The following DHX32 variants were observed in gnomAD, a reference collection of about 807,000 sequenced individuals.
DHX32 encodes the protein putative pre-mRNA-splicing factor ATP-dependent RNA helicase DHX32.
A neutral mutation model predicts 70.0 loss-of-function variants in DHX32; 51 were observed. The observed-to-expected ratio is 0.73, with a 90% confidence interval of 0.58 to 0.92. The LOEUF (loss-of-function observed/expected upper bound fraction) is 0.92, where lower values mean the gene tolerates loss of function less well. Ranked by LOEUF, DHX32 falls within the 40% of genes least tolerant of loss-of-function variation. DHX32 has a pLI of 0.00. For missense variants in DHX32, 762 were observed against 891.8 expected, an observed-to-expected ratio of 0.85 and a Z score of 1.85; for synonymous variants, 310 against 315.3, an observed-to-expected ratio of 0.98 and a Z score of 0.18.
At chr10:125,885,083 G>A (rs1944335008), upstream of DHX32, among the ~76,000 whole-genome samples, 1 of 151,904 alleles carries the variant, frequency 6.6e-6, no homozygotes, top group Admixed American at 6.6e-5. Flanking sequence ...TATTTAATAG[G>A]AAACTCAGAC....
intron 1 of DHX32, among the ~76,000 whole-genome samples, chr10:125,891,237 T>C (rs537604276): frequency 1.3e-3 from 203 of 152,374 alleles, no homozygotes; most frequent in Non-Finnish European, 2.3e-3. Flanking sequence ...GAGAAAAATT[T>C]TGTGTGAGAT....
rs1366964301 is a variant in DHX32, at chr10:125,836,531, C to G, written c.*156G>C. The G allele has an allele frequency of 7.5e-7, 1 of 1,334,130 alleles. No homozygotes were observed. The highest frequency in any genetic ancestry group is 2.6e-5 in the East Asian group (1 of 38,342). The allele number at this position is 1,334,130 out of a possible 1,614,324, so 82.6% of individuals were successfully genotyped here. A position where few individuals can be genotyped will look rare whatever the true frequency, so the allele number is the denominator to read the frequency against. ...AATTTAAAGAACTCAATAAAAACTTCTATTTTTTATTTTAAAATAATATAC... is the reference window on the plus strand; with the variant it reads ...AATTTAAAGAACTCAATAAAAACTTGTATTTTTTATTTTAAAATAATATAC... On this transcript the variant is annotated 3_prime_UTR_variant, in exon 11 of 11. Transcript: ENST00000284690.
chr10:125,880,767 CA>C lies in DHX32; in HGVS notation c.57del (p.Glu20AsnfsTer37), dbSNP rs1055619896. On this transcript the variant is annotated frameshift_variant, in exon 1 of 11. Coordinates refer to ENST00000284690, the MANE Select transcript of DHX32 (RefSeq NM_018180.3). LOFTEE classifies it high-confidence loss of function. ...TCCCCATCGCTGGAATCCAGGGATTCAGGAAAATAGCGTTTTTCAGAGGAAG... is the reference window on the plus strand; with the variant it reads ...TCCCCATCGCTGGAATCCAGGGATTCGGAAAATAGCGTTTTTCAGAGGAAG... ...PNSSSEKRYF[P>X]ESLDSSDGDE... 6.2e-7 allele frequency: 1 copy of C among 1,614,076 alleles called. No homozygotes were observed. Among genetic ancestry groups the C allele is most frequent in the African/African-American group, 1.3e-5 (1 of 74,936 alleles).
intron 3 of DHX32, among the ~76,000 whole-genome samples, chr10:125,859,045 GTTTTTTTT>G (rs71029270): frequency 3.2e-4 from 45 of 141,758 alleles, no homozygotes; most frequent in African/African-American, 5.4e-4. Context: ...TTGTTTGTTT[GTTTTTTTT>G]TTTTTTTTTT....
In DHX32 at chr10:125,867,175, C is replaced by G; in HGVS notation, c.291G>C (p.Gln97His). ...TGGAAAGACAATATTCAGCACACCA[C>G]TGAGGAACCTGTAGCAGGAAAAAAT... Reference protein sequence around the residue: ...AKCGKSAQVPQWCAEYCLSIH... With the variant: ...AKCGKSAQVPHWCAEYCLSIH... Residue 97 changes from glutamine to histidine, a missense_variant, in exon 2 of 11, where the codon CAG becomes CAC. By Grantham distance (24) the Gln-to-His change is conservative. Transcript: ENST00000284690. 1.2e-6 allele frequency: 2 copies of G among 1,605,570 alleles called. No homozygotes were observed. The highest frequency in any genetic ancestry group is 1.7e-6 in the Non-Finnish European group (2 of 1,174,874).
chr10:125,893,580 G>T (rs1345514300), intron 1 of DHX32, among the ~76,000 whole-genome samples: 2 of 152,218 alleles, frequency 1.3e-5, no homozygotes, highest in African/African-American at 4.8e-5. Context: ...AGGGCGGAGA[G>T]ATAGACATTC....
chr10:125,871,897 T>A (rs1944258045), intron 1 of DHX32, among the ~76,000 whole-genome samples: 1 of 150,438 alleles, frequency 6.6e-6, no homozygotes, highest in Non-Finnish European at 1.5e-5. Flanking sequence ...AGTCTCACTC[T>A]TGTTGCCCAG....
At chr10:125,885,808 T>G (rs962502903), upstream of DHX32, among the ~76,000 whole-genome samples, 3 of 152,216 alleles carry the variant, frequency 2.0e-5, no homozygotes, top group African/African-American at 7.2e-5. Context: ...CTGTGAACAC[T>G]TGGTCTGAGC....
At chr10:125,838,634 G>A (rs558399273) in intron 9 of DHX32, among the ~76,000 whole-genome samples, 1 of 152,244 alleles carries the variant, frequency 6.6e-6, no homozygotes, top group East Asian at 1.9e-4. Flanking sequence ...CAGCTGTGAG[G>A]TTAATGTTTT....
chr10:125,850,839 G>A (rs1296978660), intron 6 of DHX32, among the ~76,000 whole-genome samples: 1 of 152,170 alleles, frequency 6.6e-6, no homozygotes, highest in Non-Finnish European at 1.5e-5. Flanking sequence ...ATGACCTCTG[G>A]TGTAGTCTGG....
At chr10:125,852,905 G>C (rs558546654) in intron 4 of DHX32, among the ~76,000 whole-genome samples, 2 of 152,290 alleles carry the variant, frequency 1.3e-5, no homozygotes, top group Admixed American at 6.5e-5. Flanking sequence ...TGAAATACTA[G>C]CACTGTCACT....
rs769534512 is a variant in DHX32 at position 125,880,826 on chromosome 10, T to G, written c.-2A>C. ...ACACTCCAGCCCTTCTTCTTCCATC[T>G]TGTCTGACAGTGAGCTCACGCAGCT... is the stretch of plus-strand genomic sequence containing the variant. On this transcript the variant is annotated 5_prime_UTR_variant, in exon 1 of 11. Coordinates refer to ENST00000284690, the MANE Select transcript of DHX32 (RefSeq NM_018180.3). 2 of 1,609,270 alleles carry G rather than the reference T, an allele frequency of 1.2e-6. No homozygotes were observed. Among genetic ancestry groups the G allele is most frequent in the Non-Finnish European group, 1.7e-6 (2 of 1,177,960 alleles).
chr10:125,864,929 C>CA lies in DHX32; in HGVS notation c.476+2060dup, dbSNP rs61570718. On this transcript the variant is annotated intron_variant, in intron 2 of 10. Transcript: ENST00000284690. ...TGGGAGACAGAGTGGGACTCTGTCT[C>CA]AAAAAAAAAAAAAAAAAAAAAAAAA... Among the ~76,000 whole-genome samples, 147 of 54,214 alleles carry CA rather than the reference C, an allele frequency of 2.7e-3. 29 individuals carry two copies. The highest frequency in any genetic ancestry group is 0.011 in the East Asian group (13 of 1,160). 35.6% of individuals were successfully genotyped at this position (54,214 alleles called of 152,430 possible).
At chr10:125,865,180 C>T (rs1036699268) in intron 2 of DHX32, among the ~76,000 whole-genome samples, 33 of 152,080 alleles carry the variant, frequency 2.2e-4, no homozygotes, top group African/African-American at 8.0e-4. Flanking sequence ...AACCAACCAA[C>T]CACAAATCTG....
chr10:125,852,317 G>A lies in DHX32; in HGVS notation c.1327C>T (p.His443Tyr), dbSNP rs746822709. The A allele has an allele frequency of 1.1e-5, 18 of 1,614,026 alleles. No homozygotes were observed. The East Asian group carries it at 2.5e-4, about 22-fold the overall frequency. ...MKRIDIAGLGHCDFMNRPAPE... is the reference protein window; with the variant it reads ...MKRIDIAGLGYCDFMNRPAPE... ...CCTGGTCTGTTCATGAAGTCACAGT[G>A]GCCTAGGCCCGCAATGTCTATCCTC... is the stretch of plus-strand genomic sequence containing the variant. The change falls in exon 6 of 11, where the codon CAC becomes TAC. Residue 443 changes from histidine (H) to tyrosine (Y), a missense_variant. Transcript: ENST00000284690.
rs1228844271 is a variant in DHX32, at chr10:125,880,995, C to G, written c.-171G>C. ...TAAATTCCTCAAACCTGCATCTGTT[C>G]TCCGTTGCTGTGTTACCCACTGTGC... On this transcript the variant is annotated 5_prime_UTR_variant, in exon 1 of 11. Coordinates refer to ENST00000284690, the MANE Select transcript of DHX32 (RefSeq NM_018180.3). 2 of 748,148 alleles carry G rather than the reference C, an allele frequency of 2.7e-6. No homozygotes were observed. Among genetic ancestry groups the G allele is most frequent in the Non-Finnish European group, 4.2e-6 (2 of 475,126 alleles). 46.3% of individuals were successfully genotyped at this position (748,148 alleles called of 1,614,324 possible).
At chr10:125,838,080 G>C (rs2134020717) in intron 10 of DHX32, 126 bp downstream of exon 10, 1 of 867,506 alleles carries the variant, frequency 1.2e-6, no homozygotes, top group South Asian at 2.0e-5. Flanking sequence ...AGTAGGTACT[G>C]TCAACGTAAA....
intron 1 of DHX32, among the ~76,000 whole-genome samples, chr10:125,890,190 T>C (rs1333019784): frequency 1.3e-5 from 2 of 152,310 alleles, no homozygotes; most frequent in South Asian, 2.1e-4. Context: ...ATGGTATAGA[T>C]AGATTTGTAA....
At chr10:125,852,691 G>A (rs1325620608) in intron 4 of DHX32, 49 bp from the exon 5 acceptor site, 1 of 1,511,510 alleles carries the variant, frequency 6.6e-7, no homozygotes, top group Admixed American at 1.9e-5. Flanking sequence ...TCATGATTCA[G>A]TAGGCTCACT....
Sources: gnomAD v4.1 joint callset for allele counts (sites outside exome capture counted in the v4.1 genomes callset) on GRCh38, gnomAD v4.1.1 for gene constraint, MANE v1.5 for transcripts, NCBI Gene and HGNC (gene_info 2026-07-23, HGNC 2026-07-21) for gene names.